Variants in SND1 observed in about 807,000 individuals in gnomAD.
SND1 encodes the protein staphylococcal nuclease domain-containing protein 1.
A neutral mutation model predicts 121.7 loss-of-function variants in SND1; 38 were observed. The ratio of observed to expected loss-of-function variants is 0.31; its 90% CI spans 0.24 to 0.41. The LOEUF is 0.41. Ranked by LOEUF, SND1 falls within the 10% of genes least tolerant of loss-of-function variation. The pLI is 1.00. For synonymous variants in SND1, 401 were observed against 447.4 expected, an observed-to-expected ratio of 0.90 and a Z score of 1.31; for missense variants, 868 against 1,184.6, an observed-to-expected ratio of 0.73 and a Z score of 3.92.
intron 10 of SND1, among the ~76,000 whole-genome samples, chr7:127,735,143 T>G (rs955803512): frequency 6.6e-6 from 1 of 152,172 alleles, no homozygotes; most frequent in African/African-American, 2.4e-5. Flanking sequence ...GACAACTTGC[T>G]CAGGGTTCCT....
chr7:127,957,953 C>T (rs1236745298), intron 15 of SND1, among the ~76,000 whole-genome samples: 2 of 152,194 alleles, frequency 1.3e-5, no homozygotes, highest in African/African-American at 2.4e-5. Context: ...CCACCTGCCT[C>T]GGCCTCCCAA....
At chr7:127,761,823 C>T (rs979616082) in intron 10 of SND1, among the ~76,000 whole-genome samples, 2 of 152,038 alleles carry the variant, frequency 1.3e-5, no homozygotes, top group African/African-American at 4.8e-5. Flanking sequence ...GTGCATCTTC[C>T]GTATAGCAGT....
In SND1 at chr7:128,030,740, T is replaced by C. The variant is rs1792564187; in HGVS notation, c.1779+39684T>C. ...AGTGAGCTAGGAGCTCCTCTTTCCA[T>C]CTGGAGAAGGAGGTGGGGAGGGGGC... is the stretch of plus-strand genomic sequence containing the variant. On this transcript the variant is annotated intron_variant, in intron 16 of 23. Coordinates refer to ENST00000354725, the MANE Select transcript of SND1 (RefSeq NM_014390.4). The C allele has an allele frequency of 2.1e-6, 3 of 1,409,948 alleles. No individual in the cohort carries two copies. The African/African-American group carries it at 4.3e-5, about 20-fold the overall frequency. 87.3% of individuals were successfully genotyped at this position (1,409,948 alleles called of 1,614,324 possible).
chr7:127,832,022 G>A (rs1296066157), intron 11 of SND1, among the ~76,000 whole-genome samples: 2 of 152,068 alleles, frequency 1.3e-5, no homozygotes, highest in Non-Finnish European at 2.9e-5. Flanking sequence ...TTGTTCATTT[G>A]CCTTTCTCTT....
At chr7:127,960,388 C>G (rs1357064412) in intron 15 of SND1, among the ~76,000 whole-genome samples, 2 of 152,176 alleles carry the variant, frequency 1.3e-5, no homozygotes, top group African/African-American at 2.4e-5. Context: ...AAAAATGACA[C>G]CCAGCCCACA....
intron 1 of SND1, among the ~76,000 whole-genome samples, chr7:127,681,811 T>C (rs1795732795): frequency 6.6e-6 from 1 of 152,250 alleles, no homozygotes; most frequent in Non-Finnish European, 1.5e-5. Flanking sequence ...TGGATTTGTA[T>C]TGGGCCTTCT....
intron 11 of SND1, among the ~76,000 whole-genome samples, chr7:127,813,126 A>G (rs1351992450): frequency 6.6e-6 from 1 of 152,192 alleles, no homozygotes; most frequent in Non-Finnish European, 1.5e-5. Flanking sequence ...ATGACTGAAG[A>G]TATTTGCCAA....
intron 16 of SND1, among the ~76,000 whole-genome samples, chr7:128,000,878 A>AT (rs1802811140): frequency 2.0e-5 from 3 of 152,066 alleles, no homozygotes; most frequent in Admixed American, 1.3e-4. Context: ...TGTAGATGGC[A>AT]TTTTTTCTCC....
At chr7:127,986,069 G>A (rs1802381329) in intron 15 of SND1, among the ~76,000 whole-genome samples, 1 of 152,068 alleles carries the variant, frequency 6.6e-6, no homozygotes. Context: ...GCCCAATAAA[G>A]GAAAAAGTGA....
intron 1 of SND1, among the ~76,000 whole-genome samples, chr7:127,655,190 A>G (rs75386966): frequency 1.3e-5 from 2 of 152,328 alleles, no homozygotes; most frequent in East Asian, 3.9e-4. Flanking sequence ...TGCTGTAAAG[A>G]GGAATAGTCC....
chr7:127,990,849 A>G, intron 15 of SND1, 98 bp from the exon 16 acceptor site: 1 of 731,300 alleles, frequency 1.4e-6, no homozygotes, highest in Non-Finnish European at 2.3e-6. Flanking sequence ...GTTAGATGTA[A>G]CGCCTGCTTC....
intron 10 of SND1, among the ~76,000 whole-genome samples, chr7:127,748,360 C>T (rs1797017902): frequency 1.3e-5 from 2 of 152,208 alleles, no homozygotes; most frequent in Admixed American, 1.3e-4. Flanking sequence ...GCTCATCCCC[C>T]TTTGGGTTCT....
At position 127,775,007 on chromosome 7, in the gene SND1, C is replaced by T. The variant is rs114560228; in HGVS notation, c.1153-32477C>T. Among the ~76,000 whole-genome samples, 1,192 of 152,256 alleles carry T rather than the reference C, an allele frequency of 7.8e-3. 17 individuals are homozygous for T. The highest frequency in any genetic ancestry group is 0.027 in the African/African-American group (1,132 of 41,534). On this transcript the variant is annotated intron_variant, in intron 10 of 23. Transcript: ENST00000354725. ...TTTGCAGTTGTAATCAAGTTAGATGCGATCATGCTGGCTTAGAATGGGCCC... is the reference window on the plus strand; with the variant it reads ...TTTGCAGTTGTAATCAAGTTAGATGTGATCATGCTGGCTTAGAATGGGCCC...
intron 13 of SND1, among the ~76,000 whole-genome samples, chr7:127,899,570 G>A (rs1800186474): frequency 6.6e-6 from 1 of 152,172 alleles, no homozygotes; most frequent in African/African-American, 2.4e-5. Flanking sequence ...GTAAACTGGG[G>A]CCACATGGTC....
At chr7:127,966,615 A>G (rs1253427036) in intron 15 of SND1, among the ~76,000 whole-genome samples, 1 of 82,110 alleles carries the variant, frequency 1.2e-5, no homozygotes, top group African/African-American at 5.8e-5. Context: ...TGGGTACATA[A>G]CGAAATGAAG....
chr7:127,817,414 C>G (rs1332890721), intron 11 of SND1, among the ~76,000 whole-genome samples: 1 of 152,040 alleles, frequency 6.6e-6, no homozygotes, highest in Non-Finnish European at 1.5e-5. Context: ...TAGACTTGCC[C>G]TGTTTCTTCT....
At chr7:128,003,583 T>C (rs777833998) in intron 16 of SND1, among the ~76,000 whole-genome samples, 1 of 152,222 alleles carries the variant, frequency 6.6e-6, no homozygotes, top group Non-Finnish European at 1.5e-5. Flanking sequence ...ATCTCTATAA[T>C]GCTTGCGGTG....
At chr7:128,022,862 G>A (rs1803390134) in intron 16 of SND1, among the ~76,000 whole-genome samples, 1 of 152,124 alleles carries the variant, frequency 6.6e-6, no homozygotes, top group Admixed American at 6.5e-5. Context: ...GGACTGTTGT[G>A]GGTAGGTGGT....
intron 12 of SND1, among the ~76,000 whole-genome samples, chr7:127,865,734 G>A (rs980463528): frequency 2.6e-5 from 4 of 151,312 alleles, no homozygotes; most frequent in Non-Finnish European, 5.9e-5. Flanking sequence ...AGCTTCCCAA[G>A]TAGCTGAGAC....
Sources: allele counts gnomAD v4.1 joint callset (sites outside exome capture counted in the v4.1 genomes callset), GRCh38; gene constraint gnomAD v4.1.1; transcripts MANE v1.5; gene names NCBI Gene and HGNC (gene_info 2026-07-23, HGNC 2026-07-21).